Variants in CAPN5 observed in about 807,000 individuals in gnomAD.
CAPN5 encodes the protein calpain-5.
CAPN5 carries 54 observed loss-of-function variants against 73.0 expected under a neutral mutation model. The ratio of observed to expected loss-of-function variants is 0.74; its 90% confidence interval spans 0.59 to 0.93. The LOEUF (loss-of-function observed/expected upper bound fraction) is 0.93. Ranked by LOEUF, CAPN5 falls within the 40% of genes least tolerant of loss-of-function variation. The pLI is 0.00. For synonymous variants in CAPN5, 335 were observed against 356.9 expected (o/e 0.94, Z 0.69); for missense variants, 785 against 882.9 (o/e 0.89, Z 1.41).
intron 3 of CAPN5, among the ~76,000 whole-genome samples, chr11:77,106,990 G>T (rs529380594): frequency 1.3e-5 from 2 of 152,214 alleles, no homozygotes; most frequent in Non-Finnish European, 2.9e-5. Flanking sequence ...CTGGAGGCCC[G>T]GGGGAAGGGG....
At chr11:77,102,499 CA>C (rs1437568961) in intron 3 of CAPN5, among the ~76,000 whole-genome samples, 1 of 152,250 alleles carries the variant, frequency 6.6e-6, no homozygotes, top group Non-Finnish European at 1.5e-5. Context: ...CTCATCTTCA[CA>C]AACAAGCCAG....
At chr11:77,075,985 A>G (rs977692547) in intron 1 of CAPN5, among the ~76,000 whole-genome samples, 1 of 152,224 alleles carries the variant, frequency 6.6e-6, no homozygotes, top group Non-Finnish European at 1.5e-5. Flanking sequence ...ATATTTTGAA[A>G]TGTGTATACA....
intron 1 of CAPN5, among the ~76,000 whole-genome samples, chr11:77,077,387 T>C (rs1478769142): frequency 6.6e-6 from 1 of 151,948 alleles, no homozygotes; most frequent in African/African-American, 2.4e-5. Context: ...AGTCTTTTTT[T>C]ATAAAAGACA....
At chr11:77,095,288 C>A (rs879996465) in intron 3 of CAPN5, among the ~76,000 whole-genome samples, 29 of 152,218 alleles carry the variant, frequency 1.9e-4, no homozygotes, top group Non-Finnish European at 3.2e-4. Context: ...CAGGCTCCCA[C>A]CCCCTTCTCT....
chr11:77,083,973 G>A (rs1254842651), intron 1 of CAPN5, among the ~76,000 whole-genome samples: 1 of 152,256 alleles, frequency 6.6e-6, no homozygotes, highest in African/African-American at 2.4e-5. Flanking sequence ...GCAGGCCCCA[G>A]GAAGAGTAGA....
chr11:77,090,262 C>T lies in CAPN5; in HGVS notation c.166-3420C>T, dbSNP rs112678556. On this transcript the variant is annotated intron_variant, in intron 2 of 12. Coordinates refer to ENST00000648180, the MANE Select transcript of CAPN5 (RefSeq NM_004055.5). ...AGTGGGAACATGCCTGGCTGCCTTCCGCTCTGTCTGCTCCTTCCCAGGCTG... is the reference window on the plus strand; with the variant it reads ...AGTGGGAACATGCCTGGCTGCCTTCTGCTCTGTCTGCTCCTTCCCAGGCTG... Among the ~76,000 whole-genome samples, 756 of 152,320 alleles carry T rather than the reference C, an allele frequency of 5.0e-3. 9 individuals carry two copies. The highest frequency in any genetic ancestry group is 0.017 in the African/African-American group (720 of 41,554).
chr11:77,096,639 C>T (rs1249818795), intron 3 of CAPN5, among the ~76,000 whole-genome samples: 1 of 152,240 alleles, frequency 6.6e-6, no homozygotes, highest in Non-Finnish European at 1.5e-5. Context: ...AACTTGAAAT[C>T]AGGTTGCGAC....
At chr11:77,104,627 C>T (rs781896417) in intron 3 of CAPN5, among the ~76,000 whole-genome samples, 1 of 152,222 alleles carries the variant, frequency 6.6e-6, no homozygotes, top group East Asian at 1.9e-4. Flanking sequence ...GAGAGCCCCC[C>T]CTTTTGGGGG....
chr11:77,081,167 T>C (rs1555034550), intron 1 of CAPN5, among the ~76,000 whole-genome samples: 1 of 152,164 alleles, frequency 6.6e-6, no homozygotes, highest in Non-Finnish European at 1.5e-5. Context: ...GCCTCCAGAC[T>C]CCGTATCCTA....
chr11:77,076,316 C>A (rs537032514), intron 1 of CAPN5, among the ~76,000 whole-genome samples: 15 of 152,338 alleles, frequency 9.8e-5, no homozygotes, highest in African/African-American at 3.4e-4. Context: ...GATCACGCTA[C>A]TGCGCTCCAG....
rs766876099 is a variant in CAPN5, at chr11:77,103,358, C to T, written c.298-9231C>T. 9 of 1,591,328 alleles carry T rather than the reference C, an allele frequency of 5.7e-6. No homozygotes were observed. The Admixed American group carries it at 6.8e-5, about 12-fold the overall frequency. On this transcript the variant is annotated intron_variant, in intron 3 of 12. Transcript: ENST00000648180. ...AGCAGCTGCCAGCTGCTGCTCTCCT[C>T]TAGCCCACCTGTGCTCTCCCCTGCC...
In CAPN5 at chr11:77,120,833, A is replaced by C. The variant is rs782580306; in HGVS notation, c.1411A>C (p.Ile471Leu). The C allele has an allele frequency of 1.4e-4, 226 of 1,614,050 alleles. 2 individuals are homozygous for C. Among genetic ancestry groups the C allele is most frequent in the South Asian group, 1.1e-3 (104 of 91,068 alleles). ...CCAGCCCGAGGGCCGCTATGTCATC[A>C]TCCCCACAACCTTCGAGCCAGGCCA... ...TDQPEGRYVI[I>L]PTTFEPGHTG... is the part of the protein sequence containing the mutation. Residue 471 changes from isoleucine (I) to leucine (L), a missense_variant, in exon 10 of 13, where the codon ATC becomes CTC. Ile to Leu is a conservative substitution (Grantham distance 5, BLOSUM62 2). Coordinates refer to ENST00000648180, the MANE Select transcript of CAPN5 (RefSeq NM_004055.5).
chr11:77,112,786 G>A lies in CAPN5; in HGVS notation c.495G>A (p.Lys165=). Residue 165 remains lysine, a synonymous_variant, in exon 4 of 13, where the codon AAG becomes AAA. Coordinates refer to ENST00000648180, the MANE Select transcript of CAPN5 (RefSeq NM_004055.5). The part of the protein sequence containing the change: ...RNEFWCALVE[K]AYAKLAGCYQ... ...AGTTTTGGTGCGCCCTAGTGGAGAAGGCCTATGCCAAGTAGGTGCCAGCAG... is the reference window on the plus strand; with the variant it reads ...AGTTTTGGTGCGCCCTAGTGGAGAAAGCCTATGCCAAGTAGGTGCCAGCAG... 6.2e-7 allele frequency: 1 copy of A among 1,614,208 alleles called. No individual in the cohort carries two copies. The highest frequency in any genetic ancestry group is 1.3e-5 in the African/African-American group (1 of 75,076).
intron 3 of CAPN5, chr11:77,103,456 G>GC: frequency 8.5e-7 from 1 of 1,180,286 alleles, no homozygotes; most frequent in East Asian, 2.4e-5. Context: ...TTGCCCAGAG[G>GC]CCCCCTGAGT....
At chr11:77,097,477 T>G (rs1443556359) in intron 3 of CAPN5, among the ~76,000 whole-genome samples, 1 of 143,274 alleles carries the variant, frequency 7.0e-6, no homozygotes, top group African/African-American at 2.7e-5. Context: ...TTTTTTTTTT[T>G]TTTTTTTTTT....
At chr11:77,067,863 C>T (rs1949861730) in intron 1 of CAPN5, among the ~76,000 whole-genome samples, 1 of 151,992 alleles carries the variant, frequency 6.6e-6, no homozygotes, top group Non-Finnish European at 1.5e-5. Context: ...GGATTCACCC[C>T]CAAGTTCCAT....
Position 77,112,808 on chromosome 11 carries a change from G to T in CAPN5, c.506+11G>T, listed in dbSNP as rs782334768. ...GAAGGCCTATGCCAAGTAGGTGCCA[G>T]CAGCAGGCAGGTGGGTGGGAGGCCC... On this transcript the variant is annotated intron_variant, in intron 4 of 12. Coordinates refer to ENST00000648180, the MANE Select transcript of CAPN5 (RefSeq NM_004055.5). 2 of 1,613,648 alleles carry T rather than the reference G, an allele frequency of 1.2e-6. No homozygotes were observed. Among genetic ancestry groups the T allele is most frequent in the Admixed American group, 3.3e-5 (2 of 59,982 alleles).
At chr11:77,071,680 C>T (rs532124354) in intron 1 of CAPN5, 61 of 450,986 alleles carry the variant, frequency 1.4e-4, no homozygotes, top group South Asian at 7.0e-4. Context: ...CATCTGAGGA[C>T]GGGTATGTGG....
chr11:77,094,896 T>C (rs568494031), intron 3 of CAPN5, among the ~76,000 whole-genome samples: 2 of 151,760 alleles, frequency 1.3e-5, no homozygotes, highest in East Asian at 3.9e-4. Flanking sequence ...CAAGACAGAG[T>C]TTTTCCTCAT....
Sources: allele counts gnomAD v4.1 joint callset (sites outside exome capture counted in the v4.1 genomes callset), GRCh38; gene constraint gnomAD v4.1.1; transcripts MANE v1.5; gene names NCBI Gene and HGNC (gene_info 2026-07-23, HGNC 2026-07-21).